Variants in DPH6 observed in about 807,000 individuals in gnomAD.
DPH6 encodes diphthamine biosynthesis 6.
DPH6 carries 33 observed loss-of-function variants against 38.2 expected under a neutral mutation model. The ratio of observed to expected loss-of-function variants is 0.86; its 90% CI spans 0.65 to 1.15. DPH6 has a LOEUF of 1.15. DPH6 is among the 50% of genes most tolerant of loss of function. The pLI is 0.00. For synonymous variants in DPH6, 108 were observed against 103.0 expected (o/e 1.05, Z -0.30); for missense variants, 325 against 320.0 (o/e 1.02, Z -0.12).
At chr15:35,529,921 CTAAG>C (rs2055062110) in intron 3 of DPH6, among the ~76,000 whole-genome samples, 1 of 151,688 alleles carries the variant, frequency 6.6e-6, no homozygotes, top group Non-Finnish European at 1.5e-5. Flanking sequence ...AAAAAAAACA[CTAAG>C]TATTTATCAA....
chr15:35,485,603 T>A (rs188502387), intron 3 of DPH6, among the ~76,000 whole-genome samples: 133 of 152,336 alleles, frequency 8.7e-4, no homozygotes, highest in African/African-American at 3.1e-3. Flanking sequence ...TCACATGCCT[T>A]CATTAGTCAC....
chr15:35,268,034 G>C (rs917608120), intron 3 of DPH6, among the ~76,000 whole-genome samples: 6 of 152,046 alleles, frequency 3.9e-5, no homozygotes, highest in African/African-American at 1.4e-4. Context: ...GCCGGGCGTG[G>C]TGGCAGGCGC....
At chr15:35,517,012 T>C (rs2054856411) in intron 3 of DPH6, among the ~76,000 whole-genome samples, 1 of 152,102 alleles carries the variant, frequency 6.6e-6, no homozygotes, top group Admixed American at 6.5e-5. Context: ...AAAATATACA[T>C]ACATCATCAC....
chr15:35,258,566 G>T (rs2051722742), intron 3 of DPH6, among the ~76,000 whole-genome samples: 1 of 152,184 alleles, frequency 6.6e-6, no homozygotes, highest in South Asian at 2.1e-4. Context: ...TTTAGTAACA[G>T]AGCTAGGCTT....
At chr15:35,370,852 A>G (rs576192768), downstream of DPH6, 3 of 151,706 alleles carry the variant, frequency 2.0e-5, no homozygotes, top group Non-Finnish European at 1.5e-5. Flanking sequence ...ATACACCTGA[A>G]AAAAACTTAT....
At chr15:35,443,698 C>T (rs1178140861) in intron 5 of DPH6, among the ~76,000 whole-genome samples, 1 of 152,190 alleles carries the variant, frequency 6.6e-6, no homozygotes, top group African/African-American at 2.4e-5. Context: ...GTAAGTCTCT[C>T]TGGAGTTTTC....
At chr15:35,364,589 T>G (rs552554887) in intron 3 of DPH6, among the ~76,000 whole-genome samples, 9 of 152,250 alleles carry the variant, frequency 5.9e-5, no homozygotes, top group African/African-American at 2.2e-4. Context: ...GATGGCATTT[T>G]CATTTAGCAC....
intron 3 of DPH6, among the ~76,000 whole-genome samples, chr15:35,362,611 A>G (rs936423379): frequency 6.6e-6 from 1 of 152,086 alleles, no homozygotes; most frequent in Non-Finnish European, 1.5e-5. Context: ...CCCTGTCTGC[A>G]CTCCAAGTCT....
chr15:35,471,904 T>C (rs149038421), intron 3 of DPH6, among the ~76,000 whole-genome samples: 1 of 152,264 alleles, frequency 6.6e-6, no homozygotes, highest in East Asian at 1.9e-4. Flanking sequence ...TTATCTTCAA[T>C]CAAAAAAAGT....
chr15:35,447,172 G>C (rs1057021398), intron 5 of DPH6, among the ~76,000 whole-genome samples: 1 of 152,058 alleles, frequency 6.6e-6, no homozygotes. Context: ...TTTAAGTAGA[G>C]CTATACATCA....
rs1256632912 is a variant in DPH6 at position 35,240,159 on chromosome 15, C to A, written n.201-19577G>T. On this transcript the variant is annotated intron_variant and non_coding_transcript_variant, in intron 3 of 3. Transcript: ENST00000560386. ...AAATGCCTTATTTTCTTCTGCAATG[C>A]CGCTTGACCCCAATACAAACTCAAC... 2.8e-5 allele frequency among the ~76,000 whole-genome samples: 4 copies of A among 142,738 alleles called. 2 individuals carry two copies. The highest frequency in any genetic ancestry group is 6.1e-5 in the Non-Finnish European group (4 of 65,324). 93.6% of individuals were successfully genotyped at this position (142,738 alleles called of 152,430 possible).
downstream of DPH6, among the ~76,000 whole-genome samples, chr15:35,368,193 A>G (rs8032309): frequency 0.33 from 49,659 of 151,656 alleles, 9,020 homozygotes; most frequent in African/African-American, 0.49. Flanking sequence ...TTTTAGTTCA[A>G]TCTTGCATAG....
chr15:35,422,095 G>A (rs1302147279), intron 5 of DPH6, among the ~76,000 whole-genome samples: 2 of 151,682 alleles, frequency 1.3e-5, no homozygotes, highest in African/African-American at 2.4e-5. Context: ...AAAGATGGTG[G>A]CACCAAGTGT....
chr15:35,517,402 T>C (rs1006209268), intron 3 of DPH6, among the ~76,000 whole-genome samples: 1 of 152,134 alleles, frequency 6.6e-6, no homozygotes, highest in Non-Finnish European at 1.5e-5. Flanking sequence ...CTTAGTTTGG[T>C]ACTCTCATTG....
the DPH6 span, among the ~76,000 whole-genome samples, chr15:35,173,700 T>C: frequency 1.3e-5 from 2 of 152,298 alleles, no homozygotes; most frequent in Middle Eastern, 3.4e-3. Context: ...CACTCATTGC[T>C]GCAGCCATGT....
chr15:35,375,176 T>C (rs2052763874), intron 7 of DPH6, among the ~76,000 whole-genome samples: 1 of 152,048 alleles, frequency 6.6e-6, no homozygotes, highest in African/African-American at 2.4e-5. Context: ...TCCCTTCTCA[T>C]GTCAGTTATC....
At chr15:35,233,645 C>G (rs1257281153) in intron 3 of DPH6, among the ~76,000 whole-genome samples, 8 of 152,160 alleles carry the variant, frequency 5.3e-5, no homozygotes, top group Non-Finnish European at 1.5e-5. Context: ...AAGTTCACCT[C>G]AAGCCAAACA....
intron 3 of DPH6, among the ~76,000 whole-genome samples, chr15:35,321,421 A>G (rs1465836092): frequency 2.0e-5 from 3 of 152,246 alleles, no homozygotes; most frequent in Admixed American, 6.5e-5. Context: ...TTTCATCTAG[A>G]TATAGTTCAA....
intron 5 of DPH6, among the ~76,000 whole-genome samples, chr15:35,425,810 C>CATATATATATATATATAT (rs71741742): frequency 1.8e-4 from 25 of 142,028 alleles, no homozygotes; most frequent in African/African-American, 5.9e-4. Context: ...TATGACATGA[C>CATATATATATATATATAT]ATATATATAT....
Sources: allele counts gnomAD v4.1 joint callset (sites outside exome capture counted in the v4.1 genomes callset), GRCh38; gene constraint gnomAD v4.1.1; transcripts MANE v1.5; gene names NCBI Gene and HGNC (gene_info 2026-07-23, HGNC 2026-07-21).